The following NEGR1 variants were observed in gnomAD, a reference collection of about 807,000 sequenced individuals.
NEGR1 encodes IgLON family member 4.
A neutral mutation model predicts 40.9 loss-of-function variants in NEGR1; 10 were observed. The observed-to-expected ratio is 0.24, with a 90% CI of 0.15 to 0.42. NEGR1 has a LOEUF of 0.42. Among genes scored for constraint, NEGR1 ranks in the 10% least tolerant of loss-of-function variants. The pLI is 1.00. For synonymous variants in NEGR1, 185 were observed against 166.8 expected (o/e 1.11, Z -0.84); for missense variants, 352 against 438.9 (o/e 0.80, Z 1.77).
intron 6 of NEGR1, among the ~76,000 whole-genome samples, chr1:71,447,609 T>C (rs375933566): frequency 3.2e-4 from 48 of 152,346 alleles, no homozygotes; most frequent in African/African-American, 1.1e-3. Context: ...ATTCATACTT[T>C]ACCATCTTTG....
At chr1:71,671,769 G>A (rs1476746871) in intron 4 of NEGR1, among the ~76,000 whole-genome samples, 1 of 152,010 alleles carries the variant, frequency 6.6e-6, no homozygotes, top group Non-Finnish European at 1.5e-5. Context: ...GGCAATCATG[G>A]GTCCCCGTTA....
At chr1:71,751,134 TAC>T (rs1215654814) in intron 3 of NEGR1, among the ~76,000 whole-genome samples, 1 of 152,058 alleles carries the variant, frequency 6.6e-6, no homozygotes, top group Non-Finnish European at 1.5e-5. Context: ...AGCCTGATAT[TAC>T]ACAGAGTAAT....
chr1:71,740,678 T>C (rs1043880863), intron 3 of NEGR1, among the ~76,000 whole-genome samples: 1 of 152,144 alleles, frequency 6.6e-6, no homozygotes, highest in Non-Finnish European at 1.5e-5. Context: ...CAAGGGACTG[T>C]ATCATTGGTT....
intron 1 of NEGR1, among the ~76,000 whole-genome samples, chr1:72,248,831 C>T (rs1272458384): frequency 6.6e-6 from 1 of 151,502 alleles, no homozygotes; most frequent in Non-Finnish European, 1.5e-5. Flanking sequence ...GATCCACCCG[C>T]CTTGACCTCC....
intron 1 of NEGR1, among the ~76,000 whole-genome samples, chr1:72,196,928 C>T (rs1328741199): frequency 6.6e-6 from 1 of 151,806 alleles, no homozygotes; most frequent in Non-Finnish European, 1.5e-5. Context: ...TTCCTGTGTG[C>T]CATGTTACAG....
chr1:71,924,773 A>G (rs1009798130), intron 2 of NEGR1, among the ~76,000 whole-genome samples: 2 of 152,190 alleles, frequency 1.3e-5, no homozygotes, highest in African/African-American at 4.8e-5. Context: ...GTTACTTTTT[A>G]CTACAACACG....
chr1:71,978,581 A>G (rs930549252), intron 1 of NEGR1, among the ~76,000 whole-genome samples: 1 of 152,154 alleles, frequency 6.6e-6, no homozygotes, highest in African/African-American at 2.4e-5. Flanking sequence ...GAAGACATAC[A>G]TGTGGCATCA....
At chr1:71,603,639 G>C (rs2101534601) in intron 5 of NEGR1, among the ~76,000 whole-genome samples, 1 of 152,220 alleles carries the variant, frequency 6.6e-6, no homozygotes, top group Admixed American at 6.5e-5. Flanking sequence ...TAAACTCCTT[G>C]TTTCAAACTA....
At chr1:71,580,015 C>T (rs555384) in intron 6 of NEGR1, among the ~76,000 whole-genome samples, 146,859 of 152,244 alleles carry the variant, frequency 0.96, 71,068 homozygotes, top group East Asian at 1. Flanking sequence ...CACGTATGCT[C>T]ATTGCGGCAT....
Position 71,857,064 on chromosome 1 carries a change from C to T in NEGR1, c.409+78015G>A, listed in dbSNP as rs7534241. Among the ~76,000 whole-genome samples, 10 of 151,870 alleles carry T rather than the reference C, an allele frequency of 6.6e-5. No homozygotes were observed. The South Asian group carries it at 1.0e-3, about 16-fold the overall frequency. On this transcript the variant is annotated intron_variant, in intron 2 of 6. Transcript: ENST00000357731. ...GTAAAATGAAAAGAGCAAATGATAT[C>T]GCACTGAGATGACTTGCAAACAGGA... is the stretch of plus-strand genomic sequence containing the variant.
intron 1 of NEGR1, among the ~76,000 whole-genome samples, chr1:72,160,348 C>T (rs1651506454): frequency 6.6e-6 from 1 of 152,098 alleles, no homozygotes; most frequent in Non-Finnish European, 1.5e-5. Context: ...GCAAATTAAA[C>T]ATTAAGAAAA....
intron 6 of NEGR1, among the ~76,000 whole-genome samples, chr1:71,551,359 TAA>T (rs1425968368): frequency 6.6e-6 from 1 of 151,612 alleles, no homozygotes; most frequent in Non-Finnish European, 1.5e-5. Flanking sequence ...TTCATATGGT[TAA>T]GTGTTTCGAA....
At chr1:71,795,463 G>T (rs912505439) in intron 2 of NEGR1, among the ~76,000 whole-genome samples, 3 of 151,932 alleles carry the variant, frequency 2.0e-5, no homozygotes, top group Non-Finnish European at 4.4e-5. Flanking sequence ...CAATTCATGG[G>T]CCCCACTCCT....
intron 3 of NEGR1, among the ~76,000 whole-genome samples, chr1:71,704,032 G>T (rs1314301254): frequency 1.3e-5 from 2 of 151,770 alleles, no homozygotes; most frequent in African/African-American, 2.4e-5. Flanking sequence ...GAGGAAAAGA[G>T]AAAATCTAAA....
chr1:72,258,228 C>A (rs986217911), intron 1 of NEGR1, among the ~76,000 whole-genome samples: 3 of 152,136 alleles, frequency 2.0e-5, no homozygotes, highest in Admixed American at 1.3e-4. Context: ...GTGGTAGGTG[C>A]TACTGATACC....
At chr1:71,853,022 A>G (rs1659656387) in intron 2 of NEGR1, among the ~76,000 whole-genome samples, 1 of 152,116 alleles carries the variant, frequency 6.6e-6, no homozygotes, top group Non-Finnish European at 1.5e-5. Context: ...GAAATTTCTA[A>G]TAGTCATGAA....
At chr1:71,853,216 A>C (rs1659662866) in intron 2 of NEGR1, among the ~76,000 whole-genome samples, 2 of 152,058 alleles carry the variant, frequency 1.3e-5, no homozygotes, top group Non-Finnish European at 2.9e-5. Context: ...AATATGCATA[A>C]TTTTTATCAA....
intron 1 of NEGR1, chr1:72,274,439 A>C (rs1655967279): frequency 1.8e-6 from 1 of 546,094 alleles, no homozygotes; most frequent in African/African-American, 1.9e-5. Context: ...GATGGCACAC[A>C]ACTGTATGGA....
intron 4 of NEGR1, among the ~76,000 whole-genome samples, chr1:71,646,873 C>T (rs1360631765): frequency 6.6e-6 from 1 of 151,788 alleles, no homozygotes; most frequent in Non-Finnish European, 1.5e-5. Flanking sequence ...ACAATTCTAA[C>T]ATAAATTATT....
Sources: gnomAD v4.1 joint callset for allele counts (sites outside exome capture counted in the v4.1 genomes callset) on GRCh38, gnomAD v4.1.1 for gene constraint, MANE v1.5 for transcripts, NCBI Gene and HGNC (gene_info 2026-07-23, HGNC 2026-07-21) for gene names.